KLF12: variants seen among roughly 807,000 people sequenced by gnomAD.
KLF12 encodes the protein Krueppel-like factor 12.
Under a neutral mutation model 37.8 loss-of-function variants are expected in KLF12, and 9 were observed. The observed-to-expected ratio is 0.24, with a 90% confidence interval of 0.14 to 0.42. The LOEUF is 0.42. Among genes scored for constraint, KLF12 ranks in the 10% least tolerant of loss-of-function variants. The pLI, the probability that KLF12 is intolerant of heterozygous loss-of-function variation, is 1.00. For missense variants in KLF12, 411 were observed against 516.0 expected (o/e 0.80, Z 1.97); for synonymous variants, 208 against 202.1 (o/e 1.03, Z -0.25).
At chr13:74,062,959 T>A (rs17062056) in intron 1 of KLF12, among the ~76,000 whole-genome samples, 34,795 of 152,100 alleles carry the variant, frequency 0.23, 5,279 homozygotes, top group East Asian at 0.64. Context: ...TGTGGGCCAT[T>A]ACACAAGCCC....
chr13:73,746,068 CAAA>C (rs10568862), intron 6 of KLF12, among the ~76,000 whole-genome samples: 33,828 of 130,960 alleles, frequency 0.26, 5,320 homozygotes, highest in African/African-American at 0.49. Flanking sequence ...AGGAAACCAC[CAAA>C]AAAAAAAAAA....
At chr13:74,147,835 G>T in the KLF12 span, among the ~76,000 whole-genome samples, 4 of 151,998 alleles carry the variant, frequency 2.6e-5, no homozygotes, top group Non-Finnish European at 5.9e-5. Context: ...CCTATCTAAA[G>T]CCAACTCCTC....
At chr13:73,832,763 T>C (rs138063707) in intron 4 of KLF12, among the ~76,000 whole-genome samples, 55 of 152,320 alleles carry the variant, frequency 3.6e-4, no homozygotes, top group African/African-American at 9.9e-4. Flanking sequence ...AGTAGCAAAG[T>C]AGCATTTCCC....
rs147571736 is a variant in KLF12 at position 73,891,312 on chromosome 13, G to A, written c.124-44939C>T. Among the ~76,000 whole-genome samples the A allele has an allele frequency of 1.7e-3, 266 of 152,104 alleles. 1 individual carries two copies. The highest frequency in any genetic ancestry group is 6.1e-3 in the African/African-American group (253 of 41,528). ...ATTTTCACATATTTTAGAAAATGTAGATTTCTACTCATACCATTGCTATGC... is the reference window on the plus strand; with the variant it reads ...ATTTTCACATATTTTAGAAAATGTAAATTTCTACTCATACCATTGCTATGC... On this transcript the variant is annotated intron_variant, in intron 3 of 7. Transcript: ENST00000377669.
intron 5 of KLF12, among the ~76,000 whole-genome samples, chr13:73,779,291 A>C (rs1419019814): frequency 2.0e-5 from 3 of 152,172 alleles, no homozygotes; most frequent in Admixed American, 2.0e-4. Context: ...ACAGGGTTAG[A>C]AATTTCAGCC....
At chr13:74,072,217 A>G (rs1418751536) in intron 1 of KLF12, among the ~76,000 whole-genome samples, 3 of 151,636 alleles carry the variant, frequency 2.0e-5, no homozygotes, top group Non-Finnish European at 4.4e-5. Context: ...TTTCTTTTGT[A>G]CCTATTAGCA....
intron 3 of KLF12, among the ~76,000 whole-genome samples, chr13:73,940,479 C>T (rs528531268): frequency 3.9e-5 from 6 of 152,226 alleles, no homozygotes; most frequent in Admixed American, 2.0e-4. Flanking sequence ...CACACCTATC[C>T]GGTTCACATG....
At chr13:73,910,462 GCAA>G (rs1260712912) in intron 3 of KLF12, among the ~76,000 whole-genome samples, 1 of 152,030 alleles carries the variant, frequency 6.6e-6, no homozygotes, top group African/African-American at 2.4e-5. Context: ...CTTTATTAAA[GCAA>G]CTTGAATCTT....
chr13:74,240,014 A>G, the KLF12 span, among the ~76,000 whole-genome samples: 1 of 151,064 alleles, frequency 6.6e-6, no homozygotes, highest in Non-Finnish European at 1.5e-5. Context: ...TTTGCTCGTT[A>G]GTTGATGCAG....
intron 2 of KLF12, among the ~76,000 whole-genome samples, chr13:73,946,946 A>C (rs1437552531): frequency 6.6e-6 from 1 of 152,226 alleles, no homozygotes; most frequent in African/African-American, 2.4e-5. Flanking sequence ...TTGAAGCAAA[A>C]TATTGATAGA....
At chr13:74,059,297 C>G (rs1322115620) in intron 1 of KLF12, among the ~76,000 whole-genome samples, 1 of 152,202 alleles carries the variant, frequency 6.6e-6, no homozygotes, top group Non-Finnish European at 1.5e-5. Context: ...TGGGTAGACA[C>G]CCAGCAGTGG....
chr13:73,943,915 G>T, intron 3 of KLF12, 66 bp downstream of exon 3: 2 of 960,036 alleles, frequency 2.1e-6, no homozygotes, highest in Non-Finnish European at 3.3e-6. Context: ...CAAACCTCAG[G>T]ATGCTCTGCA....
Position 73,744,505 on chromosome 13 carries a change from G to A in KLF12, c.869+20433C>T, listed in dbSNP as rs965674634. 1.4e-4 allele frequency among the ~76,000 whole-genome samples: 22 copies of A among 151,790 alleles called. 1 individual carries two copies. The highest frequency in any genetic ancestry group is 2.6e-4 in the Non-Finnish European group (18 of 67,972). ...CGCTGGTGGTAGGAGCAAAAAGCAG[G>A]TGACTGGGGCCTGTGTGATGGACAT... On this transcript the variant is annotated intron_variant, in intron 6 of 7. Coordinates refer to ENST00000377669, the MANE Select transcript of KLF12 (RefSeq NM_007249.5).
At chr13:74,275,807 CTTCTTTCTTTCTTTCTTTCTTTCTTTCT>C in the KLF12 span, among the ~76,000 whole-genome samples, 1 of 50,296 alleles carries the variant, frequency 2.0e-5, no homozygotes, top group African/African-American at 7.9e-5. Context: ...TCTTTCTTTC[CTTCTTTCTTTCTTTCTTTCTTTCTTTCT>C]TTCTTTCTTT....
rs571686781 is a variant in KLF12, at chr13:73,776,592, T to C, written c.807-11592A>G. 3.4e-4 allele frequency among the ~76,000 whole-genome samples: 52 copies of C among 152,344 alleles called. No individual in the cohort carries two copies. In the South Asian group the frequency reaches 0.011, roughly 31 times the overall value. ...TCTCACATTTGACCAACATCATTTATAGTAGTCACATTCAAATTCACTGTT... is the reference window on the plus strand; with the variant it reads ...TCTCACATTTGACCAACATCATTTACAGTAGTCACATTCAAATTCACTGTT... On this transcript the variant is annotated intron_variant, in intron 5 of 7. Coordinates refer to ENST00000377669, the MANE Select transcript of KLF12 (RefSeq NM_007249.5).
intron 4 of KLF12, 71 bp downstream of exon 4, chr13:73,845,756 G>A (rs935740371): frequency 5.2e-6 from 7 of 1,359,136 alleles, no homozygotes; most frequent in Non-Finnish European, 7.2e-6. Context: ...ATACAATTTA[G>A]GTTTTGTTCA....
At chr13:73,752,686 G>C (rs547108219) in intron 6 of KLF12, among the ~76,000 whole-genome samples, 1 of 151,062 alleles carries the variant, frequency 6.6e-6, no homozygotes, top group East Asian at 2.0e-4. Context: ...CTCAGCCACA[G>C]CCTTGGCTTC....
rs374663142 is a variant in KLF12, at chr13:74,125,166, TACACACAC to T, written c.-32+8565_-32+8572del. Among the ~76,000 whole-genome samples, 152 of 138,854 alleles carry T rather than the reference TACACACAC, an allele frequency of 1.1e-3. 1 individual carries two copies. The highest frequency in any genetic ancestry group is 3.3e-3 in the African/African-American group (124 of 38,016). 91.1% of individuals were successfully genotyped at this position (138,854 alleles called of 152,430 possible). ...TTTCAAAAAAAAAAATATATATATA[TACACACAC>T]ACACACACACACACAGTTTATATTT... On this transcript the variant is annotated intron_variant, in intron 1 of 7. Coordinates refer to ENST00000377669, the MANE Select transcript of KLF12 (RefSeq NM_007249.5).
intron 2 of KLF12, among the ~76,000 whole-genome samples, chr13:73,956,874 A>C (rs993149374): frequency 6.6e-6 from 1 of 151,908 alleles, no homozygotes; most frequent in Non-Finnish European, 1.5e-5. Flanking sequence ...ATGACCCATA[A>C]TTGTTCCACT....
Sources: gnomAD v4.1 joint callset for allele counts (sites outside exome capture counted in the v4.1 genomes callset) on GRCh38, gnomAD v4.1.1 for gene constraint, MANE v1.5 for transcripts, NCBI Gene and HGNC (gene_info 2026-07-23, HGNC 2026-07-21) for gene names.